CTNNA3: variants seen among roughly 807,000 people sequenced by gnomAD.
CTNNA3 encodes the protein catenin alpha-3.
CTNNA3 carries 76 observed loss-of-function variants against 95.7 expected under a neutral mutation model. The observed-to-expected ratio is 0.79, with a 90% CI of 0.66 to 0.96. The LOEUF is 0.96. Among genes scored for constraint, CTNNA3 ranks in the 40% least tolerant of loss-of-function variants. The pLI is 0.00. For synonymous variants in CTNNA3, 431 were observed against 374.4 expected, an observed-to-expected ratio of 1.15 and a Z score of -1.74; for missense variants, 1,191 against 1,089.8, an observed-to-expected ratio of 1.09 and a Z score of -1.31.
At chr10:66,308,983 T>A (rs772604584) in intron 12 of CTNNA3, among the ~76,000 whole-genome samples, 1 of 152,210 alleles carries the variant, frequency 6.6e-6, no homozygotes, top group Non-Finnish European at 1.5e-5. Flanking sequence ...TTGCTTAATA[T>A]GCTATTTCAG....
At chr10:67,663,526 G>A (rs926749437) in intron 1 of CTNNA3, among the ~76,000 whole-genome samples, 1 of 152,032 alleles carries the variant, frequency 6.6e-6, no homozygotes, top group African/African-American at 2.4e-5. Context: ...TCTGCACAAC[G>A]GCCTCCCTCC....
At chr10:67,028,479 G>A (rs1279159782) in intron 7 of CTNNA3, among the ~76,000 whole-genome samples, 1 of 151,906 alleles carries the variant, frequency 6.6e-6, no homozygotes, top group Non-Finnish European at 1.5e-5. Flanking sequence ...GTACTTGAGA[G>A]TGGATGGCAT....
intron 7 of CTNNA3, among the ~76,000 whole-genome samples, chr10:67,045,738 C>G (rs561133064): frequency 1.3e-5 from 2 of 152,110 alleles, no homozygotes; most frequent in Admixed American, 6.6e-5. Context: ...GCCAAGGCCC[C>G]CCTCTGTTTT....
rs565536776 is a variant in CTNNA3, at chr10:67,143,948, C to A, written c.1047+36369G>T. On this transcript the variant is annotated intron_variant, in intron 7 of 17. Transcript: ENST00000433211. The stretch of plus-strand genomic sequence containing the variant: ...GATTTTCAATTTACTTTGCCCAGAT[C>A]TATCAGAGGAATCACCATCTACAGC... Among the ~76,000 whole-genome samples, 8 of 152,342 alleles carry A rather than the reference C, an allele frequency of 5.3e-5. No homozygotes were observed. In the South Asian group the frequency reaches 1.7e-3, roughly 32 times the overall value.
chr10:66,133,608 C>T (rs543935619), intron 13 of CTNNA3, among the ~76,000 whole-genome samples: 2 of 149,868 alleles, frequency 1.3e-5, no homozygotes, highest in East Asian at 2.0e-4. Context: ...AAAAAAAAGT[C>T]GATGAAGCGG....
chr10:66,218,328 CAATAGTTTA>C (rs957801527), intron 13 of CTNNA3, among the ~76,000 whole-genome samples: 3 of 151,888 alleles, frequency 2.0e-5, no homozygotes, highest in Non-Finnish European at 2.9e-5. Context: ...AATGTGTGGT[CAATAGTTTA>C]AAACAGAAGT....
chr10:67,278,287 T>C (rs1285698472), intron 5 of CTNNA3, among the ~76,000 whole-genome samples: 1 of 152,170 alleles, frequency 6.6e-6, no homozygotes, highest in Non-Finnish European at 1.5e-5. Context: ...TGAGTGACCA[T>C]GGCCTGTGAC....
In CTNNA3 at chr10:67,188,999, TC is replaced by T. The variant is rs539986903; in HGVS notation, c.844-8480del. Among the ~76,000 whole-genome samples, 774 of 151,942 alleles carry T rather than the reference TC, an allele frequency of 5.1e-3. 6 individuals are homozygous for T. The highest frequency in any genetic ancestry group is 0.017 in the African/African-American group (724 of 41,458). Reference sequence around the variant, plus strand: ...AGGCGTGGTGGCGCATGCCTGTAGTTCCAGCTACTCGGGAGACTGAGGTGGG... The same window carrying T: ...AGGCGTGGTGGCGCATGCCTGTAGTTCAGCTACTCGGGAGACTGAGGTGGG... On this transcript the variant is annotated intron_variant, in intron 6 of 17. Transcript: ENST00000433211.
chr10:66,364,092 C>A lies in CTNNA3; in HGVS notation c.1732+15060G>T, dbSNP rs1479079474. ...CTACAAATATTATTTGCCTACTAAA[C>A]CACAATAAACTAAATTGCTTAGTCT... is the stretch of plus-strand genomic sequence containing the variant. On this transcript the variant is annotated intron_variant, in intron 12 of 17. Coordinates refer to ENST00000433211, the MANE Select transcript of CTNNA3 (RefSeq NM_013266.4). Among the ~76,000 whole-genome samples the A allele has an allele frequency of 3.3e-5, 5 of 151,818 alleles. No homozygotes were observed. In the East Asian group the frequency reaches 9.7e-4, roughly 29 times the overall value.
Position 65,919,988 on chromosome 10 carries a change from A to G in CTNNA3, c.*342T>C. 1 of 229,064 alleles carries G rather than the reference A, an allele frequency of 4.4e-6. No individual in the cohort carries two copies. The highest frequency in any genetic ancestry group is 7.8e-5 in the South Asian group (1 of 12,810). 14.2% of individuals were successfully genotyped at this position (229,064 alleles called of 1,614,324 possible). ...AATTCAAGATAAGGATGATAAGTGT[A>G]CATGAAGTATTACAGATAAACAGGA... is the stretch of plus-strand genomic sequence containing the variant. On this transcript the variant is annotated 3_prime_UTR_variant, in exon 18 of 18. Coordinates refer to ENST00000433211, the MANE Select transcript of CTNNA3 (RefSeq NM_013266.4).
intron 5 of CTNNA3, among the ~76,000 whole-genome samples, chr10:67,506,258 C>T (rs1839427719): frequency 6.6e-6 from 1 of 152,052 alleles, no homozygotes; most frequent in Non-Finnish European, 1.5e-5. Context: ...TGGAGCAAAC[C>T]AGCAACACTA....
intron 11 of CTNNA3, among the ~76,000 whole-genome samples, chr10:66,385,992 T>C (rs1376146142): frequency 1.3e-5 from 2 of 152,180 alleles, no homozygotes; most frequent in Non-Finnish European, 2.9e-5. Context: ...AATATCATAC[T>C]GAATGGGCAA....
intron 2 of CTNNA3, among the ~76,000 whole-genome samples, chr10:67,638,374 C>T (rs1470804475): frequency 6.6e-6 from 1 of 152,072 alleles, no homozygotes; most frequent in Non-Finnish European, 1.5e-5. Context: ...CCTTAGAGAC[C>T]TATAAAGAGA....
chr10:65,938,860 A>G (rs1005042250), intron 17 of CTNNA3, among the ~76,000 whole-genome samples: 2 of 152,026 alleles, frequency 1.3e-5, no homozygotes, highest in African/African-American at 2.4e-5. Flanking sequence ...AGTAACTGGA[A>G]GACAGCATAG....
intron 7 of CTNNA3, among the ~76,000 whole-genome samples, chr10:66,953,984 C>A (rs1848668032): frequency 6.6e-6 from 1 of 152,056 alleles, no homozygotes; most frequent in African/African-American, 2.4e-5. Flanking sequence ...TTTTGAAATA[C>A]AAAATAATTA....
intron 7 of CTNNA3, among the ~76,000 whole-genome samples, chr10:66,896,548 A>G (rs1244929118): frequency 6.6e-6 from 1 of 152,200 alleles, no homozygotes; most frequent in African/African-American, 2.4e-5. Context: ...ACTACAGATC[A>G]TTTCTTAAAT....
chr10:67,337,123 G>C lies in CTNNA3; in HGVS notation c.580-117253C>G, dbSNP rs138264233. On this transcript the variant is annotated intron_variant, in intron 5 of 17. Transcript: ENST00000433211. ...AGATAGTAATTCCTATGATGGACCT[G>C]AGCAAAGTAAATTAAAAACCTTCTA... Among the ~76,000 whole-genome samples, 755 of 152,172 alleles carry C rather than the reference G, an allele frequency of 5.0e-3. 4 individuals are homozygous for C. The highest frequency in any genetic ancestry group is 0.017 in the African/African-American group (707 of 41,520).
At chr10:66,660,777 T>C (rs1846235791) in intron 9 of CTNNA3, among the ~76,000 whole-genome samples, 1 of 152,152 alleles carries the variant, frequency 6.6e-6, no homozygotes, top group African/African-American at 2.4e-5. Context: ...AATTGATCTC[T>C]ACTCTCATTA....
At chr10:66,180,972 GAA>G (rs1404512991) in intron 13 of CTNNA3, among the ~76,000 whole-genome samples, 1 of 152,038 alleles carries the variant, frequency 6.6e-6, no homozygotes, top group Admixed American at 6.6e-5. Context: ...AAGACCATAT[GAA>G]AATACTAGGT....
Sources: gnomAD v4.1 joint callset for allele counts (sites outside exome capture counted in the v4.1 genomes callset) on GRCh38, gnomAD v4.1.1 for gene constraint, MANE v1.5 for transcripts, NCBI Gene and HGNC (gene_info 2026-07-23, HGNC 2026-07-21) for gene names.